UCP2: variants seen among roughly 807,000 people sequenced by gnomAD.
UCP2 encodes the protein uncoupling protein 2, also known as dicarboxylate carrier SLC25A8.
In UCP2, 27 loss-of-function variants were observed where a neutral mutation model predicts 31.3. That is an observed-to-expected ratio of 0.86 (90% CI 0.64 to 1.19). The LOEUF (loss-of-function observed/expected upper bound fraction) is 1.19. UCP2 is among the 50% of genes most tolerant of loss of function. UCP2 has a pLI of 0.00. For missense variants in UCP2, 377 were observed against 413.5 expected (o/e 0.91, Z 0.76); for synonymous variants, 142 against 157.4 (o/e 0.90, Z 0.73).
At chr11:73,979,078 T>C (rs1248551125) in intron 2 of UCP2, among the ~76,000 whole-genome samples, 2 of 152,220 alleles carry the variant, frequency 1.3e-5, no homozygotes, top group African/African-American at 4.8e-5. Context: ...TGCTGGGCAG[T>C]GGTTCACTGA....
upstream of UCP2, chr11:73,982,845 G>GGCTTCGCAGTGTGGCTTCGCAGTGT (rs1565185588): frequency 3.3e-5 from 5 of 152,300 alleles, no homozygotes; most frequent in African/African-American, 1.2e-4. Flanking sequence ...CTTCGCAGTG[G>GGCTTCGCAGTGTGGCTTCGCAGTGT]GGCTCCGCGC....
At chr11:73,976,540 T>C (rs1227277665) in intron 6 of UCP2, 101 bp downstream of exon 6, 3 of 959,174 alleles carry the variant, frequency 3.1e-6, no homozygotes, top group Non-Finnish European at 5.0e-6. Flanking sequence ...AAAGGGCAAA[T>C]AGGATGAAAA....
Position 73,976,896 on chromosome 11 carries a change from A to G in UCP2, c.459T>C (p.Gly153=). The G allele has an allele frequency of 6.2e-7, 1 of 1,614,060 alleles. No homozygotes were observed. Among genetic ancestry groups the G allele is most frequent in the Non-Finnish European group, 8.5e-7 (1 of 1,179,976 alleles). ...CATTGACGGTGCTTTGGTATCTCCG[A>G]CCACCTCCAGCCCGGGCCTGAGCTT... The part of the protein sequence containing the change: ...RFQAQARAGG[G]RRYQSTVNAY... The change falls in exon 5 of 8, where the codon GGT becomes GGC. Residue 153 remains glycine, a synonymous_variant. Transcript: ENST00000663595.
intron 7 of UCP2, 34 bp downstream of exon 7, chr11:73,975,457 G>C: frequency 6.3e-7 from 1 of 1,591,766 alleles, no homozygotes; most frequent in Non-Finnish European, 8.6e-7. Context: ...ATAGCCAAGA[G>C]GCCTGAACTG....
chr11:73,981,437 G>A (rs982959111), intron 2 of UCP2, 39 bp downstream of exon 2: 3 of 152,176 alleles, frequency 2.0e-5, no homozygotes, highest in Non-Finnish European at 4.4e-5. Flanking sequence ...ACAGGGTTAG[G>A]AGGCAGCAAG....
intron 1 of UCP2, among the ~76,000 whole-genome samples, chr11:73,982,310 G>A (rs1201184519): frequency 2.6e-5 from 4 of 152,270 alleles, no homozygotes; most frequent in Non-Finnish European, 5.9e-5. Context: ...GCACAGGCCG[G>A]ACCCGGAGGC....
rs779122426 is a variant in UCP2 at position 73,975,680 on chromosome 11, G to A, written c.635-9C>T. 1 of 1,614,162 alleles carries A rather than the reference G, an allele frequency of 6.2e-7. No individual in the cohort carries two copies. The highest frequency in any genetic ancestry group is 8.5e-7 in the Non-Finnish European group (1 of 1,180,028). On this transcript the variant is annotated splice_polypyrimidine_tract_variant and intron_variant, in intron 6 of 7. Coordinates refer to ENST00000663595, the MANE Select transcript of UCP2 (RefSeq NM_003355.3). ...GTGGCAAGGGAGGTCATCTGCCAAG[G>A]AGGAGCAGGCAAGGCAGTCAAGATC...
At chr11:73,975,341 A>C in intron 7 of UCP2, 150 bp downstream of exon 7, 1 of 1,033,972 alleles carries the variant, frequency 9.7e-7, no homozygotes, top group Non-Finnish European at 1.4e-6. Context: ...GAAGGAATTA[A>C]GGGGATAGGT....
intron 4 of UCP2, 121 bp from the exon 5 acceptor site, chr11:73,977,138 T>G: frequency 9.1e-7 from 1 of 1,093,900 alleles, no homozygotes; most frequent in Non-Finnish European, 1.3e-6. Flanking sequence ...ATCCAGAAGC[T>G]TTTGGCCTTC....
chr11:73,982,868 G>A (rs556068244), upstream of UCP2: 58 of 150,824 alleles, frequency 3.8e-4, no homozygotes, highest in African/African-American at 1.4e-3. Flanking sequence ...GCGGCGGCGC[G>A]GCTTAAGCCT....
intron 4 of UCP2, 141 bp from the exon 5 acceptor site, chr11:73,977,158 T>C (rs1022825552): frequency 2.4e-6 from 2 of 844,848 alleles, no homozygotes; most frequent in African/African-American, 3.4e-5. Context: ...CTACAAGCTC[T>C]TGCTGTAAGA....
At position 73,976,915 on chromosome 11, in the gene UCP2, T is replaced by G. The variant is rs200714465; in HGVS notation, c.440A>C (p.Gln147Pro). 3 of 1,613,802 alleles carry G rather than the reference T, an allele frequency of 1.9e-6. No individual in the cohort carries two copies. Among genetic ancestry groups the G allele is most frequent in the Non-Finnish European group, 2.5e-6 (3 of 1,179,788 alleles). The change falls in exon 5 of 8, where the codon CAG (glutamine) becomes CCG (proline). Residue 147 changes from glutamine (Q) to proline (P), a missense_variant. By Grantham distance (76) the Gln-to-Pro change is moderately conservative (BLOSUM62 -1). Coordinates refer to ENST00000663595, the MANE Select transcript of UCP2 (RefSeq NM_003355.3). ...TCTCCGACCACCTCCAGCCCGGGCC[T>G]GAGCTTGGAATCGGACCTTTACCAC... ...TDVVKVRFQA[Q>P]ARAGGGRRYQ...
rs45453391 is a variant in UCP2, at chr11:73,977,280, T to C, written c.338-263A>G. ...GCTTTCTTTCATAAAACATTTTCAT[T>C]TACCTGCTCAACAGCCCTGAGAAAT... is the stretch of plus-strand genomic sequence containing the variant. On this transcript the variant is annotated intron_variant, in intron 4 of 7. Transcript: ENST00000663595. Among the ~76,000 whole-genome samples, 360 of 152,320 alleles carry C rather than the reference T, an allele frequency of 2.4e-3. 1 individual carries two copies. Among genetic ancestry groups the C allele is most frequent in the African/African-American group, 8.2e-3 (341 of 41,560 alleles).
chr11:73,982,783 CG>C lies in UCP2; in HGVS notation c.-320del, dbSNP rs1330862482. 6.6e-6 allele frequency: 1 copy of C among 152,322 alleles called. No homozygotes were observed. Among genetic ancestry groups the C allele is most frequent in the Non-Finnish European group, 1.5e-5 (1 of 68,372 alleles). The allele number at this position is 152,322 out of a possible 1,614,324, so 9.4% of individuals were successfully genotyped here. On this transcript the variant is annotated 5_prime_UTR_variant, in exon 1 of 8. Transcript: ENST00000663595. ...GTCTGTCGGCTGGCGGAGGGCGCGTCGGACGAGCCGGGCGAGCGTGGACAGT... is the reference window on the plus strand; with the variant it reads ...GTCTGTCGGCTGGCGGAGGGCGCGTCGACGAGCCGGGCGAGCGTGGACAGT...
chr11:73,978,080 T>C lies in UCP2; in HGVS notation c.143A>G (p.Gln48Arg), dbSNP rs1264787212. 6.2e-7 allele frequency: 1 copy of C among 1,614,046 alleles called. No homozygotes were observed. Among genetic ancestry groups the C allele is most frequent in the Non-Finnish European group, 8.5e-7 (1 of 1,179,974 alleles). ...KVRLQIQGES[Q>R]GPVRATASAQ... is the part of the protein sequence containing the mutation. ...GCTGGCTGTAGCGCGCACTGGCCCC[T>C]GACTTTCTCCTTGGATCTGCAAGGC... The change falls in exon 4 of 8, where the codon CAG becomes CGG. Residue 48 changes from glutamine (Q) to arginine (R), a missense_variant. Transcript: ENST00000663595.
At chr11:73,980,793 TAA>T (rs1159595618) in intron 2 of UCP2, 1 of 152,224 alleles carries the variant, frequency 6.6e-6, no homozygotes, top group East Asian at 1.9e-4. Context: ...ACAGGCTGAT[TAA>T]ACAGTACTGA....
In UCP2 at chr11:73,978,093, G is replaced by C; in HGVS notation, c.130C>G (p.Gln44Glu). Reference protein sequence around the residue: ...LDTAKVRLQIQGESQGPVRAT... With the variant: ...LDTAKVRLQIEGESQGPVRAT... Reference sequence around the variant, plus strand: ...CGCACTGGCCCCTGACTTTCTCCTTGGATCTGCAAGGCCAAGACAGGGTAG... The same window carrying C: ...CGCACTGGCCCCTGACTTTCTCCTTCGATCTGCAAGGCCAAGACAGGGTAG... The change falls in exon 4 of 8, where the codon CAA becomes GAA. Residue 44 changes from glutamine (Q) to glutamate (E), a missense_variant. Coordinates refer to ENST00000663595, the MANE Select transcript of UCP2 (RefSeq NM_003355.3). The C allele has an allele frequency of 1.2e-6, 2 of 1,614,040 alleles. No homozygotes were observed. The highest frequency in any genetic ancestry group is 1.7e-6 in the Non-Finnish European group (2 of 1,179,994).
intron 1 of UCP2, among the ~76,000 whole-genome samples, chr11:73,981,917 G>T (rs1951462179): frequency 6.6e-6 from 1 of 152,100 alleles, no homozygotes; most frequent in Non-Finnish European, 1.5e-5. Flanking sequence ...ACTTTGGTGA[G>T]TGGGAGAGTT....
intron 2 of UCP2, among the ~76,000 whole-genome samples, chr11:73,980,224 C>T (rs900573844): frequency 1.1e-4 from 17 of 152,142 alleles, no homozygotes; most frequent in Admixed American, 3.3e-4. Flanking sequence ...CTTTGAGCCC[C>T]GCCTGACTGC....
Sources: allele counts gnomAD v4.1 joint callset (sites outside exome capture counted in the v4.1 genomes callset), GRCh38; gene constraint gnomAD v4.1.1; transcripts MANE v1.5; gene names NCBI Gene and HGNC (gene_info 2026-07-23, HGNC 2026-07-21).